The following TRARG1 variants were observed in gnomAD, a reference collection of about 807,000 sequenced individuals.
The protein encoded by TRARG1 is trafficking regulator of GLUT4 1.
TRARG1 carries 16 observed loss-of-function variants against 13.3 expected under a neutral mutation model. The ratio of observed to expected loss-of-function variants is 1.20; its 90% CI spans 0.81 to 1.83. The LOEUF is 1.83. Ranked by LOEUF, TRARG1 falls within the 40% of genes most tolerant of loss-of-function variation. The pLI is 0.00. For synonymous variants in TRARG1, 113 were observed against 106.2 expected, an observed-to-expected ratio of 1.06 and a Z score of -0.39; for missense variants, 250 against 237.4, an observed-to-expected ratio of 1.05 and a Z score of -0.35.
intron 2 of TRARG1, among the ~76,000 whole-genome samples, chr17:1,296,879 A>G (rs1420322116): frequency 6.6e-6 from 1 of 151,980 alleles, no homozygotes; most frequent in Non-Finnish European, 1.5e-5. Context: ...TCCCGACCTC[A>G]GGTGATCCAC....
At chr17:1,297,255 C>A (rs933488137) in intron 2 of TRARG1, among the ~76,000 whole-genome samples, 2 of 152,162 alleles carry the variant, frequency 1.3e-5, no homozygotes, top group African/African-American at 4.8e-5. Flanking sequence ...CCCAGCCCAA[C>A]CGTCAACGTT....
In TRARG1 at chr17:1,280,259, G is replaced by A. The variant is rs752409409; in HGVS notation, c.258G>A (p.Ala86=). ...CCTCCCGGGCCAGCTCAAGGAGGGCGTCCTCCATCGCCACCACCTCCTATG... is the reference window on the plus strand; with the variant it reads ...CCTCCCGGGCCAGCTCAAGGAGGGCATCCTCCATCGCCACCACCTCCTATG... ...RSPSRASSRR[A]SSIATTSYAQ... The change falls in exon 1 of 3, where the codon GCG becomes GCA. Residue 86 remains alanine (A), a synonymous_variant. Coordinates refer to ENST00000333813, the MANE Select transcript of TRARG1 (RefSeq NM_172367.3). 2.3e-5 allele frequency: 37 copies of A among 1,613,958 alleles called. No individual in the cohort carries two copies. The highest frequency in any genetic ancestry group is 7.7e-5 in the South Asian group (7 of 91,066).
rs543053308 is a variant in TRARG1, at chr17:1,298,619, C to A, written c.*355C>A. On this transcript the variant is annotated 3_prime_UTR_variant, in exon 3 of 3. Transcript: ENST00000333813. ...TGAATGAGGAAAAAACCCAGCCCCA[C>A]AAACGAGACACACGCTGGCGGGGAG... 307 of 309,184 alleles carry A rather than the reference C, an allele frequency of 9.9e-4. 1 individual carries two copies. Among genetic ancestry groups the A allele is most frequent in the Non-Finnish European group, 9.6e-4 (162 of 169,198 alleles). The allele number at this position is 309,184 out of a possible 1,614,324, so 19.2% of individuals were successfully genotyped here. A position where few individuals can be genotyped will look rare whatever the true frequency, so the allele number is the denominator to read the frequency against.
intron 2 of TRARG1, among the ~76,000 whole-genome samples, chr17:1,296,636 C>T (rs1469555692): frequency 6.6e-6 from 1 of 151,726 alleles, no homozygotes; most frequent in Admixed American, 6.6e-5. Flanking sequence ...CTCAGCCTCT[C>T]GAGTAGCTGG....
At chr17:1,284,441 G>A (rs2072006221) in intron 1 of TRARG1, among the ~76,000 whole-genome samples, 2 of 152,210 alleles carry the variant, frequency 1.3e-5, no homozygotes, top group Admixed American at 1.3e-4. Context: ...TGAGAGGAGG[G>A]GTTGGAGGGG....
intron 1 of TRARG1, among the ~76,000 whole-genome samples, chr17:1,293,274 ACT>A (rs1303781302): frequency 7.8e-5 from 9 of 116,012 alleles, no homozygotes; most frequent in Admixed American, 4.2e-4. Flanking sequence ...ACAGAGCAAG[ACT>A]CTGTCTCAAA....
In TRARG1 at chr17:1,286,311, T is replaced by G. The variant is rs12950173; in HGVS notation, c.387+5923T>G. ...CAGGCCAATGGCCCAAGGCCTCTGC[T>G]GAGGCTGGAGACCACAGATGTGGGG... On this transcript the variant is annotated intron_variant, in intron 1 of 2. Transcript: ENST00000333813. 1.9e-3 allele frequency among the ~76,000 whole-genome samples: 283 copies of G among 152,250 alleles called. 3 individuals are homozygous for G. Among genetic ancestry groups the G allele is most frequent in the South Asian group, 0.012 (57 of 4,822 alleles).
intron 1 of TRARG1, among the ~76,000 whole-genome samples, chr17:1,293,981 A>G (rs2072093074): frequency 6.6e-6 from 1 of 152,176 alleles, no homozygotes; most frequent in Admixed American, 6.5e-5. Flanking sequence ...GCTGCCTGGC[A>G]TGAAGTAAAA....
Position 1,282,184 on chromosome 17 carries a change from ATATGTACGTGTACACGTGCG to A in TRARG1, c.387+1800_387+1819del, listed in dbSNP as rs1567928087. Among the ~76,000 whole-genome samples the A allele has an allele frequency of 8.4e-3, 1,212 of 143,692 alleles. 50 individuals carry two copies. The highest frequency in any genetic ancestry group is 0.032 in the African/African-American group (1,142 of 35,460). 94.3% of individuals were successfully genotyped at this position (143,692 alleles called of 152,430 possible). A position where few individuals can be genotyped will look rare whatever the true frequency, so the allele number is the denominator to read the frequency against. ...CATATATGTACGTATACACGTGCGT[ATATGTACGTGTACACGTGCG>A]TATATGTACGTATACACGTGCGTAT... On this transcript the variant is annotated intron_variant, in intron 1 of 2. Coordinates refer to ENST00000333813, the MANE Select transcript of TRARG1 (RefSeq NM_172367.3).
chr17:1,293,473 G>A (rs1288785246), intron 1 of TRARG1, among the ~76,000 whole-genome samples: 1 of 151,650 alleles, frequency 6.6e-6, no homozygotes, highest in Non-Finnish European at 1.5e-5. Flanking sequence ...GTTTGATGAT[G>A]TCGTGGGTTG....
chr17:1,280,301 C>A lies in TRARG1; in HGVS notation c.300C>A (p.Ala100=). 28 of 1,614,018 alleles carry A rather than the reference C, an allele frequency of 1.7e-5. No individual in the cohort carries two copies. Among genetic ancestry groups the A allele is most frequent in the Non-Finnish European group, 2.3e-5 (27 of 1,179,972 alleles). ...ATTSYAQDQE[A]PRDYLILAVV... is the part of the protein sequence containing the mutation. ...CCTCCTATGCCCAAGACCAAGAAGC[C>A]CCCAGAGATTACCTCATCCTGGCCG... The change falls in exon 1 of 3, where the codon GCC becomes GCA. Residue 100 remains alanine (A), a synonymous_variant. Coordinates refer to ENST00000333813, the MANE Select transcript of TRARG1 (RefSeq NM_172367.3).
chr17:1,283,980 CAGT>C (rs1195621076), intron 1 of TRARG1, among the ~76,000 whole-genome samples: 3 of 150,634 alleles, frequency 2.0e-5, no homozygotes, highest in Non-Finnish European at 3.0e-5. Flanking sequence ...GGCATGGTGG[CAGT>C]GGGCGCCTGT....
intron 1 of TRARG1, among the ~76,000 whole-genome samples, chr17:1,281,701 G>A (rs2071973459): frequency 6.6e-6 from 1 of 152,128 alleles, no homozygotes; most frequent in Non-Finnish European, 1.5e-5. Flanking sequence ...TGCAGCCAGT[G>A]GCTGTGGGCA....
intron 1 of TRARG1, among the ~76,000 whole-genome samples, chr17:1,285,559 G>T (rs2072014127): frequency 6.6e-6 from 1 of 152,120 alleles, no homozygotes; most frequent in Non-Finnish European, 1.5e-5. Flanking sequence ...ACAAAAATTA[G>T]CCGGGCGTGG....
At chr17:1,295,191 C>A (rs867099780) in intron 1 of TRARG1, among the ~76,000 whole-genome samples, 2 of 152,360 alleles carry the variant, frequency 1.3e-5, no homozygotes, top group South Asian at 2.1e-4. Context: ...GGCCCTCGGT[C>A]TCTAGCCTGC....
At chr17:1,286,382 CGGCCTGTGGGGTGTT>C (rs2072020227) in intron 1 of TRARG1, among the ~76,000 whole-genome samples, 9 of 112,894 alleles carry the variant, frequency 8.0e-5, no homozygotes, top group South Asian at 2.4e-4. Context: ...GAGGTGTTAT[CGGCCTGTGGGGTGTT>C]ATCGGCCTGC....
intron 2 of TRARG1, 85 bp from the exon 3 acceptor site, chr17:1,298,166 C>T (rs2072125961): frequency 1.3e-6 from 2 of 1,576,454 alleles, no homozygotes; most frequent in African/African-American, 1.4e-5. Flanking sequence ...CCACTGGGAA[C>T]CAGAAACCCA....
Position 1,279,812 on chromosome 17 carries a change from C to A in TRARG1, c.-190C>A. On this transcript the variant is annotated 5_prime_UTR_variant, in exon 1 of 3. Transcript: ENST00000333813. ...CGCGGGGGCAGCAGGCAGGCCCCAG[C>A]CTCTGAACTCAGCTGGCTTGAGAAG... The A allele has an allele frequency of 1.7e-6, 1 of 594,062 alleles. No individual in the cohort carries two copies. The highest frequency in any genetic ancestry group is 2.9e-5 in the South Asian group (1 of 34,292). 36.8% of individuals were successfully genotyped at this position (594,062 alleles called of 1,614,324 possible).
chr17:1,294,904 G>A (rs1333541204), intron 1 of TRARG1, among the ~76,000 whole-genome samples: 7 of 152,056 alleles, frequency 4.6e-5, no homozygotes, highest in Admixed American at 1.3e-4. Context: ...CAGGCTGGTC[G>A]CAAACTCCTG....
Sources: allele counts gnomAD v4.1 joint callset (sites outside exome capture counted in the v4.1 genomes callset), GRCh38; gene constraint gnomAD v4.1.1; transcripts MANE v1.5; gene names NCBI Gene and HGNC (gene_info 2026-07-23, HGNC 2026-07-21).